Variants in RBMS3 observed in about 807,000 individuals in gnomAD.
The protein encoded by RBMS3 is RNA binding motif single stranded interacting protein 3.
RBMS3 carries 27 observed loss-of-function variants against 66.8 expected under a neutral mutation model. The observed-to-expected ratio is 0.40, with a 90% CI of 0.30 to 0.56. The LOEUF (loss-of-function observed/expected upper bound fraction) is 0.56. Ranked by LOEUF, RBMS3 falls within the 20% of genes least tolerant of loss-of-function variation. RBMS3 has a pLI of 0.40. For synonymous variants in RBMS3, 188 were observed against 183.0 expected, an observed-to-expected ratio of 1.03 and a Z score of -0.22; for missense variants, 513 against 549.5, an observed-to-expected ratio of 0.93 and a Z score of 0.66.
intron 12 of RBMS3, among the ~76,000 whole-genome samples, chr3:29,987,115 A>G (rs1698441132): frequency 6.6e-6 from 1 of 152,222 alleles, no homozygotes; most frequent in Non-Finnish European, 1.5e-5. Flanking sequence ...GATCTCAGCA[A>G]ATTTAGTAAA....
At chr3:29,783,036 G>A (rs2056692630) in intron 6 of RBMS3, among the ~76,000 whole-genome samples, 1 of 152,152 alleles carries the variant, frequency 6.6e-6, no homozygotes, top group African/African-American at 2.4e-5. Flanking sequence ...TTGGGACTAT[G>A]TTAAATGAGA....
intron 1 of RBMS3, among the ~76,000 whole-genome samples, chr3:29,286,148 G>A (rs578193330): frequency 5.3e-5 from 8 of 152,136 alleles, no homozygotes; most frequent in Non-Finnish European, 8.8e-5. Context: ...ATTTTCTTTC[G>A]CTTCGGGGGG....
At chr3:29,853,536 G>A (rs2058994166) in intron 6 of RBMS3, among the ~76,000 whole-genome samples, 1 of 149,822 alleles carries the variant, frequency 6.7e-6, no homozygotes, top group Non-Finnish European at 1.5e-5. Flanking sequence ...GGAATGACTG[G>A]GTTTATATCC....
At chr3:29,989,058 T>C (rs964856147) in intron 13 of RBMS3, among the ~76,000 whole-genome samples, 1 of 152,236 alleles carries the variant, frequency 6.6e-6, no homozygotes, top group Non-Finnish European at 1.5e-5. Flanking sequence ...ATGATTCTAA[T>C]ACGTACCAAA....
At chr3:29,429,473 A>G (rs528357567) in intron 1 of RBMS3, among the ~76,000 whole-genome samples, 9 of 152,290 alleles carry the variant, frequency 5.9e-5, no homozygotes, top group African/African-American at 2.2e-4. Flanking sequence ...ATGACTAAAC[A>G]TCTAAGAAAA....
At chr3:29,295,899 C>T (rs1229943825) in intron 1 of RBMS3, among the ~76,000 whole-genome samples, 2 of 151,674 alleles carry the variant, frequency 1.3e-5, no homozygotes, top group Non-Finnish European at 2.9e-5. Context: ...CTGAAAATTG[C>T]CATGATGAGT....
intron 12 of RBMS3, among the ~76,000 whole-genome samples, chr3:29,965,777 T>C (rs1379665243): frequency 6.6e-6 from 1 of 152,252 alleles, no homozygotes; most frequent in East Asian, 1.9e-4. Context: ...CATTTGCTTT[T>C]GGGTTGTTGG....
chr3:29,400,467 C>T (rs144416777), intron 1 of RBMS3, among the ~76,000 whole-genome samples: 238 of 151,970 alleles, frequency 1.6e-3, no homozygotes, highest in Non-Finnish European at 2.9e-3. Flanking sequence ...AGTTGCGACT[C>T]AGGAGGACTA....
intron 4 of RBMS3, chr3:29,731,131 T>C (rs1429033231): frequency 1.6e-6 from 1 of 634,502 alleles, no homozygotes; most frequent in Non-Finnish European, 2.0e-6. Flanking sequence ...AAGAATAGCC[T>C]AAATGATCAG....
Position 30,009,940 on chromosome 3 carries a change from A to AAAGAT in RBMS3, c.*6080_*6084dup, listed in dbSNP as rs202179711. ...TCAGGAACTGTAAAAATTATTTCAAAAAGATATTTGAAAAAGTTTTCTCTA... is the reference window on the plus strand; with the variant it reads ...TCAGGAACTGTAAAAATTATTTCAAAAAGATAAGATATTTGAAAAAGTTTTCTCTA... On this transcript the variant is annotated 3_prime_UTR_variant, in exon 15 of 15. Coordinates refer to ENST00000383767, the MANE Select transcript of RBMS3 (RefSeq NM_001003793.3). 2.4e-4 allele frequency: 33 copies of AAAGAT among 137,956 alleles called. No individual in the cohort carries two copies. Among genetic ancestry groups the AAAGAT allele is most frequent in the African/African-American group, 9.5e-4 (32 of 33,726 alleles). 8.5% of individuals were successfully genotyped at this position (137,956 alleles called of 1,614,324 possible).
At chr3:29,704,772 A>G (rs1452383228) in intron 4 of RBMS3, among the ~76,000 whole-genome samples, 3 of 152,148 alleles carry the variant, frequency 2.0e-5, no homozygotes, top group Admixed American at 6.5e-5. Context: ...AAATTGTTAG[A>G]TAGAAGGGAA....
intron 1 of RBMS3, among the ~76,000 whole-genome samples, chr3:29,330,893 G>T (rs1241683823): frequency 6.6e-6 from 1 of 152,126 alleles, no homozygotes; most frequent in Admixed American, 6.6e-5. Flanking sequence ...TGATTGAATT[G>T]CTTGTGCCAC....
At chr3:29,867,448 AC>A (rs1421585342) in intron 6 of RBMS3, among the ~76,000 whole-genome samples, 1 of 139,968 alleles carries the variant, frequency 7.1e-6, no homozygotes, top group Non-Finnish European at 1.6e-5. Context: ...CTGTACCACT[AC>A]CGATCTTGGA....
intron 7 of RBMS3, among the ~76,000 whole-genome samples, chr3:29,882,874 C>T (rs1559765701): frequency 6.6e-6 from 1 of 152,006 alleles, no homozygotes; most frequent in African/African-American, 2.4e-5. Flanking sequence ...AGCTCATCCA[C>T]TTTTTTTCTA....
intron 4 of RBMS3, among the ~76,000 whole-genome samples, chr3:29,725,057 C>T (rs2053800956): frequency 6.6e-6 from 1 of 152,056 alleles, no homozygotes; most frequent in Non-Finnish European, 1.5e-5. Flanking sequence ...AGTAATGTGC[C>T]CAAGTCAAGA....
intron 4 of RBMS3, among the ~76,000 whole-genome samples, chr3:29,620,059 A>G (rs1034759423): frequency 2.0e-5 from 3 of 152,202 alleles, no homozygotes; most frequent in Non-Finnish European, 4.4e-5. Context: ...ATCCTGAGAA[A>G]ATATTTCTGT....
chr3:29,328,950 G>A (rs2035495759), intron 1 of RBMS3, among the ~76,000 whole-genome samples: 1 of 152,086 alleles, frequency 6.6e-6, no homozygotes, highest in Admixed American at 6.6e-5. Flanking sequence ...GTTCAGATGT[G>A]AAAACACTCA....
At chr3:29,627,306 C>G (rs1185499413) in intron 4 of RBMS3, among the ~76,000 whole-genome samples, 1 of 151,874 alleles carries the variant, frequency 6.6e-6, no homozygotes, top group African/African-American at 2.4e-5. Context: ...CTCTGTCTCT[C>G]TCTCTCTCTT....
intron 3 of RBMS3, among the ~76,000 whole-genome samples, chr3:29,491,884 T>C (rs2043559307): frequency 6.6e-6 from 1 of 152,096 alleles, no homozygotes; most frequent in Non-Finnish European, 1.5e-5. Context: ...TCCCAGCTAC[T>C]TGGGAGGCTG....
Sources: allele counts gnomAD v4.1 joint callset (sites outside exome capture counted in the v4.1 genomes callset), GRCh38; gene constraint gnomAD v4.1.1; transcripts MANE v1.5; gene names NCBI Gene and HGNC (gene_info 2026-07-23, HGNC 2026-07-21).